Variants in FILIP1L observed in about 807,000 individuals in gnomAD.
The protein encoded by FILIP1L is filamin A interacting protein 1 like, also known as filamin A-interacting protein 1-like.
FILIP1L carries 55 observed loss-of-function variants against 96.6 expected under a neutral mutation model. That is an observed-to-expected ratio of 0.57 (90% CI 0.46 to 0.71). FILIP1L has a LOEUF of 0.71. FILIP1L is among the 30% of genes least tolerant of loss of function. The pLI is 0.00. For synonymous variants in FILIP1L, 467 were observed against 473.9 expected (o/e 0.99, Z 0.19); for missense variants, 1,304 against 1,321.2 (o/e 0.99, Z 0.20).
At chr3:99,907,030 G>C (rs1307465665) in intron 4 of FILIP1L, among the ~76,000 whole-genome samples, 1 of 152,058 alleles carries the variant, frequency 6.6e-6, no homozygotes, top group Non-Finnish European at 1.5e-5. Flanking sequence ...AAACTTGTTT[G>C]AATAATTAGA....
At chr3:99,852,196 T>G (rs1471630224) in intron 4 of FILIP1L, among the ~76,000 whole-genome samples, 1 of 152,224 alleles carries the variant, frequency 6.6e-6, no homozygotes, top group African/African-American at 2.4e-5. Flanking sequence ...ATAGAGGATG[T>G]AATTACAGCT....
intron 1 of FILIP1L, among the ~76,000 whole-genome samples, chr3:100,095,183 C>T (rs1204953189): frequency 6.6e-6 from 1 of 152,162 alleles, no homozygotes; most frequent in Non-Finnish European, 1.5e-5. Context: ...CCCACTTTCT[C>T]TTCTTTTTCA....
At chr3:99,920,249 A>G (rs1707083548) in intron 4 of FILIP1L, among the ~76,000 whole-genome samples, 1 of 152,236 alleles carries the variant, frequency 6.6e-6, no homozygotes, top group Admixed American at 6.5e-5. Flanking sequence ...TGGTTTCAAA[A>G]AAAAGCAACT....
At chr3:99,964,864 A>G (rs576737491) in intron 1 of FILIP1L, among the ~76,000 whole-genome samples, 2 of 152,256 alleles carry the variant, frequency 1.3e-5, no homozygotes, top group South Asian at 2.1e-4. Context: ...ACTCTTTCCT[A>G]AGTTAATATT....
At chr3:100,058,714 T>A (rs1043260032) in intron 1 of FILIP1L, among the ~76,000 whole-genome samples, 1 of 152,210 alleles carries the variant, frequency 6.6e-6, no homozygotes, top group Non-Finnish European at 1.5e-5. Context: ...AGGGCCCATT[T>A]TTCCTGACTG....
chr3:100,015,767 G>T, intron 1 of FILIP1L, among the ~76,000 whole-genome samples: 1 of 152,144 alleles, frequency 6.6e-6, no homozygotes, highest in East Asian at 1.9e-4. Flanking sequence ...ACACAGCCTG[G>T]TACACAGAAG....
intron 1 of FILIP1L, among the ~76,000 whole-genome samples, chr3:99,983,308 C>T (rs763232756): frequency 3.4e-5 from 5 of 148,846 alleles, no homozygotes; most frequent in South Asian, 2.1e-4. Context: ...CCAAGGCAGG[C>T]GGATCACCTG....
intron 1 of FILIP1L, among the ~76,000 whole-genome samples, chr3:99,975,527 C>T (rs1332819811): frequency 6.6e-6 from 1 of 151,260 alleles, no homozygotes; most frequent in Non-Finnish European, 1.5e-5. Context: ...GGGAGGCAGA[C>T]GTTGCAGTGA....
intron 1 of FILIP1L, among the ~76,000 whole-genome samples, chr3:100,097,655 G>C (rs2066234331): frequency 6.6e-6 from 1 of 152,198 alleles, no homozygotes; most frequent in Admixed American, 6.5e-5. Flanking sequence ...TTGTGAACAT[G>C]TACGTCATGA....
intron 5 of FILIP1L, among the ~76,000 whole-genome samples, chr3:99,840,551 C>T (rs372027267): frequency 1.6e-4 from 25 of 152,192 alleles, no homozygotes; most frequent in Middle Eastern, 6.8e-3. Flanking sequence ...AAGGAAACAT[C>T]TAGTAGTTTT....
intron 4 of FILIP1L, among the ~76,000 whole-genome samples, chr3:99,908,006 A>G (rs1706676630): frequency 6.6e-6 from 1 of 152,260 alleles, no homozygotes. Context: ...GAAACTGTGT[A>G]TTGAATATTT....
At chr3:100,108,401 C>A (rs990979556) in intron 1 of FILIP1L, among the ~76,000 whole-genome samples, 3 of 152,136 alleles carry the variant, frequency 2.0e-5, no homozygotes, top group African/African-American at 7.2e-5. Context: ...CTTACCAAGG[C>A]AGGTACAATT....
intron 4 of FILIP1L, among the ~76,000 whole-genome samples, chr3:99,853,932 G>C (rs2107535998): frequency 6.6e-6 from 1 of 152,316 alleles, no homozygotes; most frequent in African/African-American, 2.4e-5. Flanking sequence ...GAGAGCAGGA[G>C]GCCCTGATGG....
chr3:99,874,696 C>A (rs1042964575), intron 4 of FILIP1L, among the ~76,000 whole-genome samples: 1 of 152,136 alleles, frequency 6.6e-6, no homozygotes, highest in Non-Finnish European at 1.5e-5. Flanking sequence ...TTTTAAAAAC[C>A]ATCCAACAGA....
chr3:99,988,603 T>G (rs2107123178), intron 1 of FILIP1L, among the ~76,000 whole-genome samples: 1 of 152,262 alleles, frequency 6.6e-6, no homozygotes, highest in South Asian at 2.1e-4. Context: ...AAGAAAAACT[T>G]TGTTTTAAAG....
chr3:99,850,212 C>T lies in FILIP1L; in HGVS notation c.1464G>A (p.Glu488=). 6 of 1,613,136 alleles carry T rather than the reference C, an allele frequency of 3.7e-6. No homozygotes were observed. The highest frequency in any genetic ancestry group is 5.1e-6 in the Non-Finnish European group (6 of 1,179,946). The part of the protein sequence containing the change: ...RLEKTEFTLK[E]DLTKLKTLTV... ...TTAATGTTTTCAGTTTAGTTAAATC[C>T]TCTTTTAGAGTGAATTCTGTCTTTT... Residue 488 remains glutamate, a synonymous_variant, in exon 5 of 6, where the codon GAG becomes GAA. Transcript: ENST00000477258.
chr3:99,831,312 T>C (rs781070618), intron 5 of FILIP1L, among the ~76,000 whole-genome samples: 1 of 152,252 alleles, frequency 6.6e-6, no homozygotes, highest in African/African-American at 2.4e-5. Flanking sequence ...ATTATTTACA[T>C]GTGAAGAGAA....
At chr3:100,105,465 T>C (rs2066379115) in intron 1 of FILIP1L, among the ~76,000 whole-genome samples, 1 of 152,196 alleles carries the variant, frequency 6.6e-6, no homozygotes, top group Non-Finnish European at 1.5e-5. Flanking sequence ...AGACTGCTAT[T>C]AAAATGTTAA....
In FILIP1L at chr3:99,829,491, G is replaced by C. The variant is rs1385669826; in HGVS notation, c.*923C>G. On this transcript the variant is annotated 3_prime_UTR_variant, in exon 6 of 6. Transcript: ENST00000477258. ...AGTTGGGCATATTCATAGGTTATCAGAACTGGAAGGGACCTGAGGAATTAT... is the reference window on the plus strand; with the variant it reads ...AGTTGGGCATATTCATAGGTTATCACAACTGGAAGGGACCTGAGGAATTAT... Among the ~76,000 whole-genome samples, 1 of 152,196 alleles carries C rather than the reference G, an allele frequency of 6.6e-6. No individual in the cohort carries two copies. The highest frequency in any genetic ancestry group is 1.9e-4 in the East Asian group (1 of 5,194).
Sources: allele counts gnomAD v4.1 joint callset (sites outside exome capture counted in the v4.1 genomes callset), GRCh38; gene constraint gnomAD v4.1.1; transcripts MANE v1.5; gene names NCBI Gene and HGNC (gene_info 2026-07-23, HGNC 2026-07-21).